ERG: variants seen among roughly 807,000 people sequenced by gnomAD.
The protein encoded by ERG is ETS transcription factor ERG.
ERG carries 9 observed loss-of-function variants against 55.3 expected under a neutral mutation model. The observed-to-expected ratio is 0.16, with a 90% CI of 0.10 to 0.28. The LOEUF (loss-of-function observed/expected upper bound fraction) is 0.28, where lower values mean the gene tolerates loss of function less well. ERG is among the 10% of genes least tolerant of loss of function. The probability of loss-of-function intolerance (pLI) is 1.00; values close to 1 mark genes in which losing one functional copy is unlikely to be tolerated. For synonymous variants in ERG, 223 were observed against 237.3 expected (o/e 0.94, Z 0.55); for missense variants, 434 against 631.6 (o/e 0.69, Z 3.35).
intron 2 of ERG, among the ~76,000 whole-genome samples, chr21:38,565,294 A>G (rs2059916172): frequency 1.3e-5 from 2 of 152,328 alleles, no homozygotes; most frequent in Admixed American, 6.5e-5. Flanking sequence ...TCCCCACACA[A>G]CAGCCAACAT....
At chr21:38,567,585 G>A (rs1038505764) in intron 2 of ERG, among the ~76,000 whole-genome samples, 1 of 152,134 alleles carries the variant, frequency 6.6e-6, no homozygotes, top group Non-Finnish European at 1.5e-5. Context: ...CTTTGGGGGC[G>A]GGGGAACTCT....
At chr21:38,440,160 A>T (rs2058826653) in intron 2 of ERG, among the ~76,000 whole-genome samples, 1 of 152,242 alleles carries the variant, frequency 6.6e-6, no homozygotes, top group Admixed American at 6.5e-5. Context: ...AAAGCCCATT[A>T]TGCATAAGCT....
chr21:38,651,695 T>C (rs564348496), intron 1 of ERG, among the ~76,000 whole-genome samples: 3 of 152,282 alleles, frequency 2.0e-5, no homozygotes, highest in African/African-American at 7.2e-5. Context: ...TGCCCAGCAC[T>C]GCCAGGACCT....
the ERG span, among the ~76,000 whole-genome samples, chr21:38,371,729 T>C: frequency 2.0e-5 from 3 of 152,080 alleles, no homozygotes; most frequent in African/African-American, 7.2e-5. Flanking sequence ...CATGATATAA[T>C]TTCTTTTTTA....
At position 38,391,707 on chromosome 21, in the gene ERG, G is replaced by A. The variant is rs542821839; in HGVS notation, c.823C>T (p.Pro275Ser). Reference protein sequence around the residue: ...HPTPQSKAAQPSPSTVPKTED... With the variant: ...HPTPQSKAAQSSPSTVPKTED... The stretch of plus-strand genomic sequence containing the variant: ...GTTTTGGGCACTGTGGAAGGAGATG[G>A]TTGAGCAGCTGAAAATCCAGAAATA... Residue 275 changes from proline (P) to serine (S), a missense_variant, in exon 8 of 10, where the codon CCA (proline) becomes TCA (serine). By Grantham distance (74) the Pro-to-Ser change is moderately conservative. Around this residue, in one of 5 missense-constraint regions of ERG, gnomAD observed 99 missense variants for 145.6 expected, o/e 0.68. Transcript: ENST00000288319. 254 of 1,613,796 alleles carry A rather than the reference G, an allele frequency of 1.6e-4. 3 individuals carry two copies. In the South Asian group the frequency reaches 2.7e-3, roughly 17 times the overall value.
intron 1 of ERG, chr21:38,450,983 G>C (rs9305648): frequency 0.93 from 409,401 of 440,138 alleles, 190,582 homozygotes; most frequent in South Asian, 0.98. Context: ...GTTTGTGTCT[G>C]TGAATGGAAT....
chr21:38,587,398 G>T (rs1050163987), upstream of ERG, among the ~76,000 whole-genome samples: 6 of 146,548 alleles, frequency 4.1e-5, no homozygotes, highest in Non-Finnish European at 7.4e-5. Context: ...TCGCTCTGTC[G>T]CCCAGGCTGG....
upstream of ERG, among the ~76,000 whole-genome samples, chr21:38,503,183 A>G (rs2059434141): frequency 2.6e-5 from 4 of 152,236 alleles, no homozygotes; most frequent in Admixed American, 2.6e-4. Flanking sequence ...AATTTGTAAT[A>G]AACATAAATT....
At chr21:38,593,206 C>G (rs543968171) in intron 1 of ERG, among the ~76,000 whole-genome samples, 1 of 152,126 alleles carries the variant, frequency 6.6e-6, no homozygotes, top group African/African-American at 2.4e-5. Context: ...TGCCTGGGGC[C>G]CCCCTGTAAA....
rs549065396 is a variant in ERG, at chr21:38,521,308, G to A, written c.-41+54354C>T. On this transcript the variant is annotated intron_variant, in intron 2 of 8. Coordinates refer to the ERG transcript ENST00000398897. Reference sequence around the variant, plus strand: ...ATCACAAAACCTTACTAGATATGTCGATTATTAGCTGCATTTTATAGCTAA... The same window carrying A: ...ATCACAAAACCTTACTAGATATGTCAATTATTAGCTGCATTTTATAGCTAA... Among the ~76,000 whole-genome samples, 4 of 152,232 alleles carry A rather than the reference G, an allele frequency of 2.6e-5. No homozygotes were observed. The South Asian group carries it at 6.2e-4, about 24-fold the overall frequency.
intron 1 of ERG, among the ~76,000 whole-genome samples, chr21:38,636,616 T>A (rs1042658542): frequency 2.6e-5 from 4 of 152,210 alleles, no homozygotes; most frequent in Admixed American, 6.5e-5. Context: ...GGGAAGCTTT[T>A]TCTCATTTCT....
chr21:38,490,411 C>T (rs1882136836), intron 1 of ERG, among the ~76,000 whole-genome samples: 1 of 152,198 alleles, frequency 6.6e-6, no homozygotes, highest in African/African-American at 2.4e-5. Flanking sequence ...CTTGGTGAAT[C>T]TCACTATAAC....
chr21:38,646,398 A>G (rs1044442220), intron 1 of ERG, among the ~76,000 whole-genome samples: 1 of 152,026 alleles, frequency 6.6e-6, no homozygotes, highest in Non-Finnish European at 1.5e-5. Context: ...ACCATTACTC[A>G]CTTGAAGATG....
intron 1 of ERG, among the ~76,000 whole-genome samples, chr21:38,448,254 A>G (rs2058910285): frequency 6.6e-6 from 1 of 152,228 alleles, no homozygotes; most frequent in Non-Finnish European, 1.5e-5. Flanking sequence ...ACCCTCAGAA[A>G]TGCTAGAGAT....
the ERG span, among the ~76,000 whole-genome samples, chr21:38,367,378 C>G: frequency 6.6e-6 from 1 of 152,184 alleles, no homozygotes; most frequent in Admixed American, 6.5e-5. Context: ...CTCAGGGTCT[C>G]TCATGAGGTT....
intron 1 of ERG, among the ~76,000 whole-genome samples, chr21:38,463,171 C>T (rs535457191): frequency 3.7e-4 from 56 of 152,330 alleles, no homozygotes; most frequent in African/African-American, 1.3e-3. Flanking sequence ...GTATCCCATA[C>T]TTGGACACTG....
intron 1 of ERG, among the ~76,000 whole-genome samples, chr21:38,468,347 GA>G (rs2059108475): frequency 6.6e-6 from 1 of 152,230 alleles, no homozygotes; most frequent in Admixed American, 6.5e-5. Context: ...TCTGAATATA[GA>G]GAGGGAAATT....
At chr21:38,551,032 T>C (rs913533473) in intron 2 of ERG, among the ~76,000 whole-genome samples, 1 of 152,232 alleles carries the variant, frequency 6.6e-6, no homozygotes, top group Non-Finnish European at 1.5e-5. Context: ...CAATCATTTA[T>C]TGAGGAAAAA....
At chr21:38,480,911 A>C (rs1194837142) in intron 1 of ERG, among the ~76,000 whole-genome samples, 1 of 152,124 alleles carries the variant, frequency 6.6e-6, no homozygotes, top group African/African-American at 2.4e-5. Context: ...AAATTAAGAA[A>C]AATAACGAAT....
Sources: allele counts gnomAD v4.1 joint callset (sites outside exome capture counted in the v4.1 genomes callset), GRCh38; gene constraint gnomAD v4.1.1; regional missense constraint gnomAD v4.1.1; transcripts MANE v1.5; gene names NCBI Gene and HGNC (gene_info 2026-07-23, HGNC 2026-07-21).